The following TRERF1 variants were observed in gnomAD, a reference collection of about 807,000 sequenced individuals.
The protein encoded by TRERF1 is transcriptional-regulating factor 1.
In TRERF1, 27 loss-of-function variants were observed where a neutral mutation model predicts 122.9. That is an observed-to-expected ratio of 0.22 (90% confidence interval 0.16 to 0.30). The LOEUF is 0.30. Ranked by LOEUF, TRERF1 falls within the 10% of genes least tolerant of loss-of-function variation. TRERF1 has a pLI of 1.00. For missense variants in TRERF1, 1,248 were observed against 1,560.3 expected, an observed-to-expected ratio of 0.80 and a Z score of 3.37; for synonymous variants, 636 against 641.7, an observed-to-expected ratio of 0.99 and a Z score of 0.13.
chr6:42,262,647 G>A (rs1363008493), intron 8 of TRERF1, among the ~76,000 whole-genome samples: 1 of 148,406 alleles, frequency 6.7e-6, no homozygotes, highest in Non-Finnish European at 1.5e-5. Flanking sequence ...CTGTTTGAGT[G>A]AAGCACTTAA....
chr6:42,274,495 C>G (rs964853064), intron 4 of TRERF1, among the ~76,000 whole-genome samples: 2 of 151,954 alleles, frequency 1.3e-5, no homozygotes, highest in Non-Finnish European at 2.9e-5. Context: ...GCCAACATGG[C>G]AAAACCCTGT....
At chr6:42,236,563 T>A in intron 15 of TRERF1, 152 bp from the exon 16 acceptor site, 1 of 1,291,288 alleles carries the variant, frequency 7.7e-7, no homozygotes, top group Non-Finnish European at 1.0e-6. Flanking sequence ...CAGAGCCTGT[T>A]AGGCGTGATC....
chr6:42,447,859 C>T (rs1787810676), intron 2 of TRERF1, among the ~76,000 whole-genome samples: 1 of 152,154 alleles, frequency 6.6e-6, no homozygotes, highest in Non-Finnish European at 1.5e-5. Context: ...CCCCCACCAT[C>T]ATGCCCAGCT....
chr6:42,421,889 C>T (rs905433551), intron 2 of TRERF1, among the ~76,000 whole-genome samples: 6 of 150,846 alleles, frequency 4.0e-5, no homozygotes, highest in South Asian at 2.1e-4. Flanking sequence ...AAACACTGGC[C>T]GCGTGTGGTG....
At chr6:42,258,761 T>C (rs1365563935) in intron 9 of TRERF1, among the ~76,000 whole-genome samples, 1 of 151,266 alleles carries the variant, frequency 6.6e-6, no homozygotes, top group Non-Finnish European at 1.5e-5. Flanking sequence ...TGAGACGGAG[T>C]TTCACTCTCA....
At chr6:42,301,936 G>A (rs1031056080) in intron 3 of TRERF1, among the ~76,000 whole-genome samples, 2 of 152,204 alleles carry the variant, frequency 1.3e-5, no homozygotes, top group African/African-American at 4.8e-5. Context: ...TCTTTGGGAA[G>A]GAGAACCACA....
At position 42,435,747 on chromosome 6, in the gene TRERF1, G is replaced by A. The variant is rs375689343; in HGVS notation, c.-454+15430C>T. ...TCCCAGCACTTTGGGAAGCTGAGGC[G>A]GGCAGATCACGAGGTCAAGAGATCG... On this transcript the variant is annotated intron_variant, in intron 2 of 17. Coordinates refer to ENST00000372922, the Ensembl canonical transcript of TRERF1. Among the ~76,000 whole-genome samples, 40 of 151,742 alleles carry A rather than the reference G, an allele frequency of 2.6e-4. No individual in the cohort carries two copies. The East Asian group carries it at 7.2e-3, about 27-fold the overall frequency.
intron 12 of TRERF1, 76 bp downstream of exon 12, chr6:42,256,652 G>T: frequency 7.6e-7 from 1 of 1,323,346 alleles, no homozygotes; most frequent in Non-Finnish European, 1.1e-6. Flanking sequence ...TTGGTTGTAT[G>T]GTACATGAGA....
In TRERF1 at chr6:42,432,109, T is replaced by A. The variant is rs565234304; in HGVS notation, c.-454+19068A>T. ...CCTATTCCCTCATGCCTCAGATTCC[T>A]CTTCTCAAAAAAGAGGACCAGTAAT... On this transcript the variant is annotated intron_variant, in intron 2 of 17. Coordinates refer to ENST00000372922, the Ensembl canonical transcript of TRERF1. Among the ~76,000 whole-genome samples the A allele has an allele frequency of 5.8e-4, 88 of 152,290 alleles. 2 individuals are homozygous for A. Among genetic ancestry groups the A allele is most frequent in the African/African-American group, 2.1e-3 (86 of 41,556 alleles).
chr6:42,361,253 A>C (rs577952733), intron 3 of TRERF1, among the ~76,000 whole-genome samples: 2 of 152,264 alleles, frequency 1.3e-5, no homozygotes, highest in African/African-American at 4.8e-5. Context: ...CCATACTGGC[A>C]CCCTCATCTC....
At chr6:42,417,990 G>T (rs1317663451) in intron 2 of TRERF1, among the ~76,000 whole-genome samples, 1 of 152,118 alleles carries the variant, frequency 6.6e-6, no homozygotes, top group South Asian at 2.1e-4. Context: ...CAGCACTAGG[G>T]TTTAAATCTT....
At chr6:42,336,797 G>A (rs1290582014) in intron 3 of TRERF1, among the ~76,000 whole-genome samples, 1 of 152,146 alleles carries the variant, frequency 6.6e-6, no homozygotes, top group Non-Finnish European at 1.5e-5. Context: ...ACACATCAGG[G>A]AGCTTGGTGA....
intron 12 of TRERF1, among the ~76,000 whole-genome samples, chr6:42,255,688 C>T (rs1303547920): frequency 1.3e-5 from 2 of 152,178 alleles, no homozygotes; most frequent in African/African-American, 2.4e-5. Flanking sequence ...GACAGTTCTC[C>T]AGCATTCTAG....
chr6:42,323,194 GTT>G (rs369315779), intron 3 of TRERF1, among the ~76,000 whole-genome samples: 12 of 141,410 alleles, frequency 8.5e-5, no homozygotes, highest in African/African-American at 2.3e-4. Flanking sequence ...CTTTCCCCCA[GTT>G]TTTTTTTTTT....
At chr6:42,349,729 G>T (rs1164575015) in intron 3 of TRERF1, among the ~76,000 whole-genome samples, 1 of 152,150 alleles carries the variant, frequency 6.6e-6, no homozygotes, top group Non-Finnish European at 1.5e-5. Flanking sequence ...GTAAGCCAAA[G>T]AATTAGTGTC....
At chr6:42,234,344 G>GTT (rs112440663) in intron 16 of TRERF1, among the ~76,000 whole-genome samples, 1 of 141,634 alleles carries the variant, frequency 7.1e-6, no homozygotes, top group African/African-American at 2.6e-5. Flanking sequence ...TTGTTTGCTT[G>GTT]TTTTTTTTTT....
chr6:42,417,328 G>GCTGAAGCCAGCAACCC (rs2307594), intron 2 of TRERF1, among the ~76,000 whole-genome samples: 1 of 151,826 alleles, frequency 6.6e-6, no homozygotes, highest in Non-Finnish European at 1.5e-5. Flanking sequence ...CTACCCCACG[G>GCTGAAGCCAGCAACCC]ACCCCACTCC....
At chr6:42,400,929 G>A (rs1218784223) in intron 2 of TRERF1, among the ~76,000 whole-genome samples, 7 of 152,306 alleles carry the variant, frequency 4.6e-5, no homozygotes, top group Admixed American at 3.3e-4. Context: ...TAGGAGACCC[G>A]AGTCCCAACT....
exon 16 of TRERF1, chr6:42,236,389 A>G (rs1772197103): frequency 6.4e-7 from 1 of 1,554,328 alleles, no homozygotes; most frequent in African/African-American, 1.4e-5. Context: ...CTCCTCCTCT[A>G]ACTCTTCTTC....
Sources: gnomAD v4.1 joint callset for allele counts (sites outside exome capture counted in the v4.1 genomes callset) on GRCh38, gnomAD v4.1.1 for gene constraint, MANE v1.5 for transcripts, NCBI Gene and HGNC (gene_info 2026-07-23, HGNC 2026-07-21) for gene names.